Variants in PIK3CG observed in about 807,000 individuals in gnomAD.
PIK3CG encodes the protein phosphatidylinositol-4,5-bisphosphate 3-kinase catalytic subunit gamma, also known as phosphatidylinositol 4,5-bisphosphate 3-kinase catalytic subunit gamma isoform.
In PIK3CG, 55 loss-of-function variants were observed where a neutral mutation model predicts 102.3. The ratio of observed to expected loss-of-function variants is 0.54; its 90% CI spans 0.43 to 0.67. The LOEUF is 0.67. PIK3CG is among the 30% of genes least tolerant of loss of function. The probability of loss-of-function intolerance (pLI) is 0.00; values close to 1 mark genes in which losing one functional copy is unlikely to be tolerated. For synonymous variants in PIK3CG, 552 were observed against 540.0 expected (o/e 1.02, Z -0.31); for missense variants, 1,258 against 1,391.8 (o/e 0.90, Z 1.53).
chr7:106,869,782 G>A lies in PIK3CG; in HGVS notation c.1995+226G>A, dbSNP rs897452843. On this transcript the variant is annotated intron_variant, in intron 2 of 10. Coordinates refer to ENST00000496166, the MANE Select transcript of PIK3CG (RefSeq NM_001282426.2). The surrounding 1 kb of genome is among the most constrained non-coding windows in gnomAD (Gnocchi z 5.3). Reference sequence around the variant, plus strand: ...GGTTTTGCAGACATTAGTACTTCACGTTTTTAGGAGAATTGGCCCTGTGGG... The same window carrying A: ...GGTTTTGCAGACATTAGTACTTCACATTTTTAGGAGAATTGGCCCTGTGGG... Among the ~76,000 whole-genome samples, 3 of 152,076 alleles carry A rather than the reference G, an allele frequency of 2.0e-5. No individual in the cohort carries two copies. The highest frequency in any genetic ancestry group is 4.4e-5 in the Non-Finnish European group (3 of 68,008).
intron 6 of PIK3CG, 82 bp from the exon 7 acceptor site, chr7:106,882,035 T>C: frequency 2.1e-6 from 1 of 473,334 alleles, no homozygotes. Context: ...TTACTAGATA[T>C]GATTGCTATT....
At position 106,879,165 on chromosome 7, in the gene PIK3CG, A is replaced by G. The variant is rs184147829; in HGVS notation, c.2392-354A>G. On this transcript the variant is annotated intron_variant, in intron 5 of 10. Transcript: ENST00000496166. The surrounding 1 kb of genome is among the most constrained non-coding windows in gnomAD (Gnocchi z 4.9). ...TTTCAAATTAAATCTCAGAAGGCGG[A>G]CAAATATAATAGCCAGGTTGCTGTC... Among the ~76,000 whole-genome samples the G allele has an allele frequency of 2.6e-5, 4 of 152,344 alleles. No homozygotes were observed. The highest frequency in any genetic ancestry group is 2.6e-4 in the Admixed American group (4 of 15,298).
chr7:106,888,502 A>G (rs758621507), intron 10 of PIK3CG, among the ~76,000 whole-genome samples: 2 of 152,226 alleles, frequency 1.3e-5, no homozygotes, highest in Non-Finnish European at 2.9e-5. Context: ...ACCCAAAGCA[A>G]CAAACCTTTG....
rs536308477 is a variant in PIK3CG, at chr7:106,885,425, T to C, written c.2873-710T>C. Among the ~76,000 whole-genome samples the C allele has an allele frequency of 2.6e-5, 4 of 152,282 alleles. No individual in the cohort carries two copies. The South Asian group carries it at 6.2e-4, about 24-fold the overall frequency. On this transcript the variant is annotated intron_variant, in intron 9 of 10. Coordinates refer to ENST00000496166, the MANE Select transcript of PIK3CG (RefSeq NM_001282426.2). ...TGTCCACTCTGACAGTAGTCAGTAG[T>C]GGCCACCAAAGCATGAGATTTTTCT...
At position 106,868,734 on chromosome 7, in the gene PIK3CG, A is replaced by T. The variant is rs769365031; in HGVS notation, c.1173A>T (p.Gln391His). ...VFVEANIQHG[Q>H]QVLCQRRTSP... ...TAGAGGCAAACATCCAGCATGGGCA[A>T]CAAGTCCTTTGCCAAAGGAGAACCA... Residue 391 changes from glutamine to histidine, a missense_variant, in exon 2 of 11, where the codon CAA becomes CAT. Around this residue, in one of 2 missense-constraint regions of PIK3CG, gnomAD observed 832 missense variants for 787.5 expected, o/e 1.06. Transcript: ENST00000496166. This position sits in a 1 kb window ranked among gnomAD's most constrained non-coding sequence, Gnocchi z 6.2. 1 of 1,614,242 alleles carries T rather than the reference A, an allele frequency of 6.2e-7. No homozygotes were observed. The highest frequency in any genetic ancestry group is 8.5e-7 in the Non-Finnish European group (1 of 1,180,048).
At position 106,892,992 on chromosome 7, in the gene PIK3CG, A is replaced by G. The variant is rs1170369136; in HGVS notation, c.3030+6700A>G. 6.6e-6 allele frequency among the ~76,000 whole-genome samples: 1 copy of G among 152,208 alleles called. No homozygotes were observed. Among genetic ancestry groups the G allele is most frequent in the Non-Finnish European group, 1.5e-5 (1 of 68,030 alleles). ...TGTGTAGTAGAATTTGAGTCAAGAA[A>G]GGAAATTTGGGTCCAACTTGAAGCA... On this transcript the variant is annotated intron_variant, in intron 10 of 10. Transcript: ENST00000496166. This position sits in a 1 kb window ranked among gnomAD's most constrained non-coding sequence, Gnocchi z 5.2.
rs1791742702 is a variant in PIK3CG at position 106,908,303 on chromosome 7, A to T, written c.*2916A>T. 6.6e-6 allele frequency among the ~76,000 whole-genome samples: 1 copy of T among 152,198 alleles called. No individual in the cohort carries two copies. Among genetic ancestry groups the T allele is most frequent in the African/African-American group, 2.4e-5 (1 of 41,450 alleles). On this transcript the variant is annotated 3_prime_UTR_variant, in exon 11 of 11. Transcript: ENST00000496166. The surrounding 1 kb of genome is among the most constrained non-coding windows in gnomAD (Gnocchi z 4.1). ...TGAGACCAGCACTGTGTGGGTCTGAATGATGGCTTTGGTGTTCAGTTTAGC... is the reference window on the plus strand; with the variant it reads ...TGAGACCAGCACTGTGTGGGTCTGATTGATGGCTTTGGTGTTCAGTTTAGC...
chr7:106,882,756 C>G (rs973467183), intron 7 of PIK3CG: 40 of 295,524 alleles, frequency 1.4e-4, no homozygotes, highest in Non-Finnish European at 3.7e-5. Context: ...ATATGCTCAG[C>G]ATATAAATGC....
In PIK3CG at chr7:106,906,558, C is replaced by T. The variant is rs749816495; in HGVS notation, c.*1171C>T. The T allele has an allele frequency of 4.4e-6, 1 of 229,656 alleles. No individual in the cohort carries two copies. Among genetic ancestry groups the T allele is most frequent in the Non-Finnish European group, 8.6e-6 (1 of 116,042 alleles). The allele number at this position is 229,656 out of a possible 1,614,324, so 14.2% of individuals were successfully genotyped here. ...AAGGACTTTTAAACTTTGACACATCCTTCAGATTTCCTGAAAATAATTGAA... is the reference window on the plus strand; with the variant it reads ...AAGGACTTTTAAACTTTGACACATCTTTCAGATTTCCTGAAAATAATTGAA... On this transcript the variant is annotated 3_prime_UTR_variant, in exon 11 of 11. Coordinates refer to ENST00000496166, the MANE Select transcript of PIK3CG (RefSeq NM_001282426.2).
At position 106,873,069 on chromosome 7, in the gene PIK3CG, G is replaced by A. The variant is rs190927892; in HGVS notation, c.2287+131G>A. ...GAAGGCACCAAGAACACATTTTTGAGTTTTCTGTCTGCATGGAGTAAACAA... is the reference window on the plus strand; with the variant it reads ...GAAGGCACCAAGAACACATTTTTGAATTTTCTGTCTGCATGGAGTAAACAA... On this transcript the variant is annotated intron_variant, in intron 4 of 10. Transcript: ENST00000496166. The A allele has an allele frequency of 7.7e-4, 508 of 655,742 alleles. 3 individuals carry two copies. The African/African-American group carries it at 8.1e-3, about 10-fold the overall frequency. The allele number at this position is 655,742 out of a possible 1,614,324, so 40.6% of individuals were successfully genotyped here. A position where few individuals can be genotyped will look rare whatever the true frequency, so the allele number is the denominator to read the frequency against.
At chr7:106,881,527 T>C (rs1584332109) in intron 6 of PIK3CG, among the ~76,000 whole-genome samples, 1 of 152,148 alleles carries the variant, frequency 6.6e-6, no homozygotes, top group East Asian at 1.9e-4. Context: ...AGAGAGGTGA[T>C]GAACCACAGC....
In PIK3CG at chr7:106,868,685, G is replaced by A. The variant is rs759982158; in HGVS notation, c.1124G>A (p.Arg375Gln). 1.2e-5 allele frequency: 19 copies of A among 1,614,146 alleles called. No homozygotes were observed. Among genetic ancestry groups the A allele is most frequent in the Middle Eastern group, 1.6e-4 (1 of 6,062 alleles). ...GGCATTGATATCCCCGTCCTGCCTC[G>A]GAACACCGACCTCACAGTTTTTGTA... ...IRGIDIPVLP[R>Q]NTDLTVFVEA... Residue 375 changes from arginine (R) to glutamine (Q), a missense_variant, in exon 2 of 11, where the codon CGG becomes CAG. Around this residue, in one of 2 missense-constraint regions of PIK3CG, gnomAD observed 832 missense variants for 787.5 expected, o/e 1.06. Transcript: ENST00000496166. The surrounding 1 kb of genome is among the most constrained non-coding windows in gnomAD (Gnocchi z 6.2).
rs1487593617 is a variant in PIK3CG, at chr7:106,907,151, T to G, written c.*1764T>G. ...AATAAAATAAAAAATAAAAACACCC[T>G]TGCCTGCGCTCCATTCCCAGGTTAT... On this transcript the variant is annotated 3_prime_UTR_variant, in exon 11 of 11. Transcript: ENST00000496166. The G allele has an allele frequency of 5.1e-5, 9 of 177,766 alleles. No individual in the cohort carries two copies. Among genetic ancestry groups the G allele is most frequent in the Non-Finnish European group, 1.1e-4 (9 of 83,110 alleles). 11.0% of individuals were successfully genotyped at this position (177,766 alleles called of 1,614,324 possible).
intron 10 of PIK3CG, among the ~76,000 whole-genome samples, chr7:106,904,513 C>T (rs546334552): frequency 6.6e-6 from 1 of 152,238 alleles, no homozygotes; most frequent in South Asian, 2.1e-4. Context: ...TTTTGGGGGA[C>T]CATGAGCCAT....
In PIK3CG at chr7:106,884,429, C is replaced by T. The variant is rs1791026138; in HGVS notation, c.2872+163C>T. 6.6e-6 allele frequency among the ~76,000 whole-genome samples: 1 copy of T among 152,142 alleles called. No homozygotes were observed. On this transcript the variant is annotated intron_variant, in intron 9 of 10. Transcript: ENST00000496166. This position sits in a 1 kb window ranked among gnomAD's most constrained non-coding sequence, Gnocchi z 4.2. ...TCACCATTCATCCCCAGAATTTTTC[C>T]ATCTTCCCCAGCTGAAACTCTGTAC...
chr7:106,868,026 G>T lies in PIK3CG; in HGVS notation c.465G>T (p.Thr155=), dbSNP rs763026770. ...EESQAFQRQL[T]ALIGYDVTDV... ...CCCAAGCCTTCCAGCGGCAGCTCAC[G>T]GCGCTGATTGGCTATGACGTCACTG... Residue 155 remains threonine (T), a synonymous_variant, in exon 2 of 11, where the codon ACG becomes ACT. Transcript: ENST00000496166. This position sits in a 1 kb window ranked among gnomAD's most constrained non-coding sequence, Gnocchi z 6.2. 1.1e-5 allele frequency: 17 copies of T among 1,611,992 alleles called. No homozygotes were observed. The highest frequency in any genetic ancestry group is 3.3e-4 in the Middle Eastern group (2 of 6,052).
At chr7:106,882,280 C>T in intron 7 of PIK3CG, 73 bp downstream of exon 7, 1 of 615,124 alleles carries the variant, frequency 1.6e-6, no homozygotes, top group Non-Finnish European at 2.8e-6. Flanking sequence ...TCAGTGTAGA[C>T]ATTTAATAAC....
chr7:106,869,256 C>T lies in PIK3CG; in HGVS notation c.1695C>T (p.Asn565=), dbSNP rs1263245774. Reference sequence around the variant, plus strand: ...CGATCATAGCCACTGATCCACTTAACCCTCTCACAGCAGAGGACAAAGAAT... The same window carrying T: ...CGATCATAGCCACTGATCCACTTAATCCTCTCACAGCAGAGGACAAAGAAT... The part of the protein sequence containing the change: ...LEAIIATDPL[N]PLTAEDKELL... The change falls in exon 2 of 11, where the codon AAC becomes AAT. Residue 565 remains asparagine, a synonymous_variant. Transcript: ENST00000496166. The surrounding 1 kb of genome is among the most constrained non-coding windows in gnomAD (Gnocchi z 5.3). The T allele has an allele frequency of 3.1e-6, 5 of 1,614,210 alleles. No homozygotes were observed. In the South Asian group the frequency reaches 5.5e-5, roughly 18 times the overall value.
rs1790418602 is a variant in PIK3CG at position 106,868,764 on chromosome 7, C to G, written c.1203C>G (p.Pro401=). 2 of 1,614,226 alleles carry G rather than the reference C, an allele frequency of 1.2e-6. No homozygotes were observed. Among genetic ancestry groups the G allele is most frequent in the African/African-American group, 2.7e-5 (2 of 75,048 alleles). ...QQVLCQRRTS[P]KPFTEEVLWN... is the part of the protein sequence containing the mutation. ...TCCTTTGCCAAAGGAGAACCAGCCC[C>G]AAACCCTTCACAGAGGAGGTGCTGT... Residue 401 remains proline, a synonymous_variant, in exon 2 of 11, where the codon CCC becomes CCG. Transcript: ENST00000496166. The surrounding 1 kb of genome is among the most constrained non-coding windows in gnomAD (Gnocchi z 6.2).
Sources: allele counts gnomAD v4.1 joint callset (sites outside exome capture counted in the v4.1 genomes callset), GRCh38; gene constraint gnomAD v4.1.1; regional missense constraint gnomAD v4.1.1; non-coding constraint Gnocchi (gnomAD v3.1); transcripts MANE v1.5; gene names NCBI Gene and HGNC (gene_info 2026-07-23, HGNC 2026-07-21).